WNK1: variants seen among roughly 807,000 people sequenced by gnomAD.
The protein encoded by WNK1 is WNK lysine deficient protein kinase 1.
WNK1 carries 38 observed loss-of-function variants against 222.8 expected under a neutral mutation model. That is an observed-to-expected ratio of 0.17 (90% CI 0.13 to 0.22). The LOEUF (loss-of-function observed/expected upper bound fraction) is 0.22. Among genes scored for constraint, WNK1 ranks in the 10% least tolerant of loss-of-function variants. WNK1 has a pLI of 1.00. For missense variants in WNK1, 2,348 were observed against 2,918.4 expected (o/e 0.80, Z 4.50); for synonymous variants, 1,090 against 1,092.9 (o/e 1.00, Z 0.05).
At chr12:892,963 A>G (rs1406584217) in intron 22 of WNK1, among the ~76,000 whole-genome samples, 2 of 152,218 alleles carry the variant, frequency 1.3e-5, no homozygotes, top group Non-Finnish European at 2.9e-5. Flanking sequence ...TAAAATAGCA[A>G]GAAATTCTGG....
chr12:882,735 G>A (rs1203334428), intron 14 of WNK1, among the ~76,000 whole-genome samples: 3 of 152,194 alleles, frequency 2.0e-5, no homozygotes, highest in Non-Finnish European at 2.9e-5. Flanking sequence ...AGAATAGAGA[G>A]TTTTAGTAAG....
chr12:885,025 A>G lies in WNK1; in HGVS notation c.4221A>G (p.Pro1407=). ...GLPIPPVSES[P]VLSSVVSSIT... is the part of the protein sequence containing the mutation. ...CCATACCACCTGTGTCTGAATCACC[A>G]GTACTTTCCAGCGTAGTTTCAAGTA... is the stretch of plus-strand genomic sequence containing the variant. The change falls in exon 19 of 28, where the codon CCA becomes CCG. Residue 1407 remains proline, a synonymous_variant. Coordinates refer to ENST00000315939, the MANE Select transcript of WNK1 (RefSeq NM_018979.4). The G allele has an allele frequency of 6.2e-7, 1 of 1,614,218 alleles. No homozygotes were observed. The highest frequency in any genetic ancestry group is 8.5e-7 in the Non-Finnish European group (1 of 1,180,036).
rs560493377 is a variant in WNK1 at position 910,673 on chromosome 12, C to T, written c.*1881C>T. ...GAAAATATTTCCAACCTTTTACCCA[C>T]GTCAATGGCATATTCTGGGAATCAC... On this transcript the variant is annotated 3_prime_UTR_variant, in exon 28 of 28. Transcript: ENST00000315939. The T allele has an allele frequency of 1.3e-5, 2 of 152,498 alleles. No homozygotes were observed. The highest frequency in any genetic ancestry group is 2.1e-4 in the South Asian group (1 of 4,832). The allele number at this position is 152,498 out of a possible 1,614,324, so 9.4% of individuals were successfully genotyped here.
intron 1 of WNK1, among the ~76,000 whole-genome samples, chr12:762,888 A>G (rs1941218025): frequency 6.8e-6 from 1 of 146,434 alleles, no homozygotes; most frequent in African/African-American, 2.4e-5. Flanking sequence ...CTGGGATTAC[A>G]GGAAGGCGCC....
At chr12:761,556 A>G (rs1334297231) in intron 1 of WNK1, among the ~76,000 whole-genome samples, 1 of 148,044 alleles carries the variant, frequency 6.8e-6, no homozygotes, top group Non-Finnish European at 1.5e-5. Context: ...TTGTCAGTAG[A>G]TACGTGGTAG....
intron 2 of WNK1, among the ~76,000 whole-genome samples, chr12:814,725 T>C (rs1030549583): frequency 6.6e-6 from 1 of 152,206 alleles, no homozygotes; most frequent in Admixed American, 6.5e-5. Flanking sequence ...GAAGACAGTT[T>C]TTCCATGAAC....
intron 1 of WNK1, among the ~76,000 whole-genome samples, chr12:775,160 CA>C (rs2153956838): frequency 6.6e-6 from 1 of 152,130 alleles, no homozygotes; most frequent in East Asian, 1.9e-4. Context: ...ACTTAGTATA[CA>C]AAAAATAGAT....
rs994514496 is a variant in WNK1 at position 773,667 on chromosome 12, A to G, written c.759+19343A>G. 5.3e-5 allele frequency among the ~76,000 whole-genome samples: 8 copies of G among 152,290 alleles called. No individual in the cohort carries two copies. In the South Asian group the frequency reaches 1.0e-3, roughly 20 times the overall value. ...TTCACCAAATGTTTATTGTACTCCT[A>G]TGTGCTTGAGGCTGTCTCAGGTAGC... is the stretch of plus-strand genomic sequence containing the variant. On this transcript the variant is annotated intron_variant, in intron 1 of 27. Transcript: ENST00000315939.
intron 9 of WNK1, among the ~76,000 whole-genome samples, chr12:874,599 A>C (rs932937313): frequency 2.6e-5 from 4 of 152,198 alleles, no homozygotes; most frequent in Non-Finnish European, 5.9e-5. Context: ...GACTACTTTG[A>C]AAGAGTCTAA....
At chr12:906,195 G>A (rs1336644710) in intron 26 of WNK1, 1 of 616,548 alleles carries the variant, frequency 1.6e-6, no homozygotes, top group Non-Finnish European at 2.0e-6. Flanking sequence ...CTTACTTTAG[G>A]AGCTTTTATT....
In WNK1 at chr12:897,367, G is replaced by T. The variant is rs572622785; in HGVS notation, c.6246-112G>T. 1.2e-5 allele frequency: 9 copies of T among 777,004 alleles called. No homozygotes were observed. In the South Asian group the frequency reaches 1.3e-4, roughly 11 times the overall value. The allele number at this position is 777,004 out of a possible 1,614,324, so 48.1% of individuals were successfully genotyped here. ...TCGTGGTAGTACATTTGGGGAAAAGGTTCATTAGTAACTACTACATACTTG... is the reference window on the plus strand; with the variant it reads ...TCGTGGTAGTACATTTGGGGAAAAGTTTCATTAGTAACTACTACATACTTG... On this transcript the variant is annotated intron_variant, in intron 24 of 27. Coordinates refer to ENST00000315939, the MANE Select transcript of WNK1 (RefSeq NM_018979.4).
intron 14 of WNK1, 70 bp downstream of exon 14, chr12:882,143 A>G: frequency 6.7e-7 from 1 of 1,484,216 alleles, no homozygotes; most frequent in Non-Finnish European, 9.2e-7. Context: ...TTTAGAGGTC[A>G]TCAAATCCAA....
chr12:757,051 G>T (rs1940151992), intron 1 of WNK1, among the ~76,000 whole-genome samples: 1 of 152,118 alleles, frequency 6.6e-6, no homozygotes, highest in South Asian at 2.1e-4. Flanking sequence ...TCCAGTAGAT[G>T]GCTAATAAGT....
At position 769,707 on chromosome 12, in the gene WNK1, C is replaced by T. The variant is rs143320806; in HGVS notation, c.759+15383C>T. ...TGTGCTCGGCTACTGGGCCTGTTTT[C>T]GGTGAAGAATTAGTGTCTTAGTTCA... On this transcript the variant is annotated intron_variant, in intron 1 of 27. Transcript: ENST00000315939. Among the ~76,000 whole-genome samples the T allele has an allele frequency of 6.1e-4, 93 of 152,196 alleles. 1 individual carries two copies. In the East Asian group the frequency reaches 0.017, roughly 28 times the overall value.
Position 879,725 on chromosome 12 carries a change from T to C in WNK1, c.2526T>C (p.Ser842=). 4 of 1,613,966 alleles carry C rather than the reference T, an allele frequency of 2.5e-6. No homozygotes were observed. Among genetic ancestry groups the C allele is most frequent in the South Asian group, 1.1e-5 (1 of 91,064 alleles). The part of the protein sequence containing the change: ...PTPLLPQYPV[S]QIPISTPHVS... ...CCTTGCTCCCTCAGTACCCTGTCTC[T>C]CAGATTCCCATATCAACTCCTCATG... is the stretch of plus-strand genomic sequence containing the variant. Residue 842 remains serine, a synonymous_variant, in exon 11 of 28, where the codon TCT becomes TCC. Coordinates refer to ENST00000315939, the MANE Select transcript of WNK1 (RefSeq NM_018979.4).
chr12:831,733 T>A (rs1052660041), intron 4 of WNK1, among the ~76,000 whole-genome samples: 1 of 152,126 alleles, frequency 6.6e-6, no homozygotes, highest in African/African-American at 2.4e-5. Context: ...TTCTCAGGTT[T>A]ACCATCTGCC....
At chr12:761,903 A>T (rs1941072152) in intron 1 of WNK1, among the ~76,000 whole-genome samples, 1 of 146,770 alleles carries the variant, frequency 6.8e-6, no homozygotes, top group African/African-American at 2.4e-5. Context: ...TGCCCCTCTC[A>T]CACACAGTCA....
intron 22 of WNK1, among the ~76,000 whole-genome samples, chr12:890,926 A>G (rs1039511708): frequency 2.6e-5 from 4 of 152,202 alleles, no homozygotes; most frequent in Non-Finnish European, 5.9e-5. Context: ...AAACATTTTT[A>G]TTTTCAAGGC....
At position 855,531 on chromosome 12, in the gene WNK1, TTTA is replaced by T. The variant is rs1222974913; in HGVS notation, c.1312-1626_1312-1624del. On this transcript the variant is annotated intron_variant, in intron 4 of 27. Coordinates refer to ENST00000315939, the MANE Select transcript of WNK1 (RefSeq NM_018979.4). ...TGAGAGATTACATGCATTTCTGTGA[TTTA>T]TTAGTCACTAATTTTGTTTTACCAT... Among the ~76,000 whole-genome samples the T allele has an allele frequency of 9.9e-5, 15 of 152,268 alleles. No homozygotes were observed. The East Asian group carries it at 2.3e-3, about 23-fold the overall frequency.
Sources: allele counts gnomAD v4.1 joint callset (sites outside exome capture counted in the v4.1 genomes callset), GRCh38; gene constraint gnomAD v4.1.1; transcripts MANE v1.5; gene names NCBI Gene and HGNC (gene_info 2026-07-23, HGNC 2026-07-21).